AS3MT: variants seen among roughly 807,000 people sequenced by gnomAD.
AS3MT encodes S-adenosyl-L-methionine:arsenic(III) methyltransferase.
In AS3MT, 47 loss-of-function variants were observed where a neutral mutation model predicts 45.3. That is an observed-to-expected ratio of 1.04 (90% CI 0.82 to 1.32). The LOEUF is 1.32. Ranked by LOEUF, AS3MT falls within the 40% of genes most tolerant of loss-of-function variation. The pLI is 0.00. For synonymous variants in AS3MT, 141 were observed against 152.8 expected (o/e 0.92, Z 0.57); for missense variants, 396 against 451.1 (o/e 0.88, Z 1.11).
At chr10:102,874,503 C>T (rs919437800) in intron 5 of AS3MT, 89 bp from the exon 6 acceptor site, 29 of 935,484 alleles carry the variant, frequency 3.1e-5, no homozygotes, top group Non-Finnish European at 3.9e-5. Context: ...TTTGACAGAA[C>T]GGTGGGAACC....
chr10:102,895,018 G>T (rs1196895109), intron 10 of AS3MT, among the ~76,000 whole-genome samples: 1 of 152,124 alleles, frequency 6.6e-6, no homozygotes, highest in African/African-American at 2.4e-5. Flanking sequence ...TGTGTCACAG[G>T]CCATTGGTCA....
At chr10:102,886,277 A>ATTCC (rs1314555636) in intron 9 of AS3MT, among the ~76,000 whole-genome samples, 1 of 142,998 alleles carries the variant, frequency 7.0e-6, no homozygotes, top group Non-Finnish European at 1.5e-5. Flanking sequence ...TCTTTCCTTC[A>ATTCC]TTCCTTCCTT....
chr10:102,890,514 CTT>C (rs1845052161), intron 9 of AS3MT, 28 bp from the exon 10 acceptor site: 4 of 1,547,496 alleles, frequency 2.6e-6, no homozygotes, highest in Non-Finnish European at 3.5e-6. Context: ...AGTTGCAACT[CTT>C]AGTATTTTTT....
At chr10:102,871,683 G>A (rs1038879693) in intron 3 of AS3MT, among the ~76,000 whole-genome samples, 1 of 150,316 alleles carries the variant, frequency 6.7e-6, no homozygotes, top group African/African-American at 2.4e-5. Context: ...AGCTGAGATC[G>A]CGCCACTGCA....
chr10:102,872,370 G>A, intron 3 of AS3MT, 78 bp from the exon 4 acceptor site: 2 of 1,448,002 alleles, frequency 1.4e-6, no homozygotes, highest in Non-Finnish European at 1.9e-6. Context: ...AGGGAGGGAG[G>A]AGGGAAGTAT....
intron 9 of AS3MT, among the ~76,000 whole-genome samples, chr10:102,886,334 T>G (rs1163722975): frequency 6.7e-6 from 1 of 148,632 alleles, no homozygotes; most frequent in South Asian, 2.2e-4. Flanking sequence ...CATTCTTTCT[T>G]TTTTTTTTGA....
rs539363320 is a variant in AS3MT at position 102,891,500 on chromosome 10, A to G, written c.1020+822A>G. Among the ~76,000 whole-genome samples, 6 of 152,362 alleles carry G rather than the reference A, an allele frequency of 3.9e-5. No homozygotes were observed. In the East Asian group the frequency reaches 1.2e-3, roughly 29 times the overall value. ...GTTATTTTACCAAAGCTTTGACTGGAATAACATTTGTAGGTAAAGTTCCAG... is the reference window on the plus strand; with the variant it reads ...GTTATTTTACCAAAGCTTTGACTGGGATAACATTTGTAGGTAAAGTTCCAG... On this transcript the variant is annotated intron_variant, in intron 10 of 10. Coordinates refer to ENST00000369880, the MANE Select transcript of AS3MT (RefSeq NM_020682.4).
At chr10:102,888,244 G>T (rs913698620) in intron 9 of AS3MT, 1 of 152,048 alleles carries the variant, frequency 6.6e-6, no homozygotes, top group Admixed American at 6.6e-5. Context: ...GGAGAATTGA[G>T]TCCATTTACA....
chr10:102,869,937 G>A (rs1185422531), intron 2 of AS3MT, 92 bp downstream of exon 2: 2 of 1,579,076 alleles, frequency 1.3e-6, no homozygotes, highest in Admixed American at 3.4e-5. Context: ...GACTCCTGGA[G>A]TCGGGGTAGG....
At chr10:102,872,635 C>A (rs756749151) in intron 4 of AS3MT, 37 bp downstream of exon 4, 2 of 1,564,738 alleles carry the variant, frequency 1.3e-6, no homozygotes, top group South Asian at 2.4e-5. Context: ...GAAAAAGATT[C>A]TCAAAAGCAT....
intron 2 of AS3MT, 88 bp from the exon 3 acceptor site, chr10:102,869,996 G>A (rs1480556064): frequency 6.4e-7 from 1 of 1,569,914 alleles, no homozygotes; most frequent in Non-Finnish European, 8.7e-7. Flanking sequence ...CGGCCAAGTG[G>A]AGGTGGAGGT....
Position 102,869,472 on chromosome 10 carries a change from A to G in AS3MT, c.-121A>G, listed in dbSNP as rs994710063. The G allele has an allele frequency of 6.3e-5, 97 of 1,532,388 alleles. 1 individual carries two copies. The South Asian group carries it at 1.1e-3, about 18-fold the overall frequency. The allele number at this position is 1,532,388 out of a possible 1,614,324, so 94.9% of individuals were successfully genotyped here. ...GCCAGCCTGGGCGGGGCCTCGGCAC[A>G]GGAGCTGGCTGCGGGAGCCCGCCGT... On this transcript the variant is annotated 5_prime_UTR_variant, in exon 1 of 11. Transcript: ENST00000369880.
At position 102,890,772 on chromosome 10, in the gene AS3MT, G is replaced by A. The variant is rs1053911596; in HGVS notation, c.1020+94G>A. ...GTCACCCAGACTGGAGTGCAGTGGT[G>A]TGATCTTGGCTCACTGCAACCTCCG... On this transcript the variant is annotated intron_variant, in intron 10 of 10. Coordinates refer to ENST00000369880, the MANE Select transcript of AS3MT (RefSeq NM_020682.4). 3.1e-5 allele frequency: 40 copies of A among 1,287,338 alleles called. 1 individual carries two copies. The highest frequency in any genetic ancestry group is 7.1e-5 in the Admixed American group (3 of 42,184). The allele number at this position is 1,287,338 out of a possible 1,614,324, so 79.7% of individuals were successfully genotyped here. A position where few individuals can be genotyped will look rare whatever the true frequency, so the allele number is the denominator to read the frequency against.
intron 9 of AS3MT, among the ~76,000 whole-genome samples, chr10:102,880,098 T>C (rs948182480): frequency 6.6e-6 from 1 of 152,130 alleles, no homozygotes; most frequent in Non-Finnish European, 1.5e-5. Flanking sequence ...AGAAGTAGGA[T>C]GGAAAAGAGT....
chr10:102,895,965 G>A (rs925714408), intron 10 of AS3MT, among the ~76,000 whole-genome samples: 1 of 151,794 alleles, frequency 6.6e-6, no homozygotes, highest in African/African-American at 2.4e-5. Flanking sequence ...TAGTAGAGAC[G>A]GGGTTTTACC....
intron 9 of AS3MT, among the ~76,000 whole-genome samples, chr10:102,880,863 C>T (rs970397155): frequency 6.6e-6 from 1 of 152,184 alleles, no homozygotes; most frequent in Non-Finnish European, 1.5e-5. Context: ...AAAAACATCA[C>T]TGCATCAATC....
At chr10:102,870,059 AC>A in intron 2 of AS3MT, 24 bp from the exon 3 acceptor site, 2 of 1,611,574 alleles carry the variant, frequency 1.2e-6, no homozygotes, top group Non-Finnish European at 1.7e-6. Context: ...TCTACCCCTC[AC>A]TCCACTGTGG....
intron 9 of AS3MT, among the ~76,000 whole-genome samples, chr10:102,880,854 A>G (rs1167986717): frequency 6.6e-6 from 1 of 152,246 alleles, no homozygotes; most frequent in Non-Finnish European, 1.5e-5. Context: ...AGAAGGAACA[A>G]AAACATCACT....
rs184767624 is a variant in AS3MT at position 102,869,846 on chromosome 10, G to A, written c.42+1G>A. 4.3e-5 allele frequency: 70 copies of A among 1,613,948 alleles called. No individual in the cohort carries two copies. Among genetic ancestry groups the A allele is most frequent in the Middle Eastern group, 1.6e-4 (1 of 6,062 alleles). ...CGCTGAGATACAGAAGGACGTGCAG[G>A]TGAGAGCTGTAGGGCCTGGAATGGC... On this transcript the variant is annotated splice_donor_variant, in intron 2 of 10. Transcript: ENST00000369880. LOFTEE classifies it high-confidence loss of function.
Sources: allele counts gnomAD v4.1 joint callset (sites outside exome capture counted in the v4.1 genomes callset), GRCh38; gene constraint gnomAD v4.1.1; transcripts MANE v1.5; gene names NCBI Gene and HGNC (gene_info 2026-07-23, HGNC 2026-07-21).